The following PTPRT variants were observed in gnomAD, a reference collection of about 807,000 sequenced individuals.
PTPRT encodes receptor-type tyrosine-protein phosphatase T.
A neutral mutation model predicts 176.8 loss-of-function variants in PTPRT; 56 were observed. The ratio of observed to expected loss-of-function variants is 0.32; its 90% CI spans 0.26 to 0.40. The LOEUF is 0.40. Ranked by LOEUF, PTPRT falls within the 10% of genes least tolerant of loss-of-function variation. The pLI, the probability that PTPRT is intolerant of heterozygous loss-of-function variation, is 1.00. For missense variants in PTPRT, 1,540 were observed against 1,908.2 expected (o/e 0.81, Z 3.60); for synonymous variants, 783 against 739.0 (o/e 1.06, Z -0.96).
At chr20:42,545,979 T>G (rs2072666806) in intron 7 of PTPRT, among the ~76,000 whole-genome samples, 1 of 152,220 alleles carries the variant, frequency 6.6e-6, no homozygotes, top group African/African-American at 2.4e-5. Context: ...TATCTATATC[T>G]ATAAATAGTT....
At chr20:42,272,923 A>G (rs1000373804) in intron 13 of PTPRT, among the ~76,000 whole-genome samples, 6 of 152,178 alleles carry the variant, frequency 3.9e-5, no homozygotes, top group African/African-American at 1.4e-4. Context: ...TTCTTGACTT[A>G]CTTTGCAACC....
intron 7 of PTPRT, among the ~76,000 whole-genome samples, chr20:42,514,511 CT>C (rs2072024454): frequency 6.6e-6 from 1 of 152,060 alleles, no homozygotes; most frequent in African/African-American, 2.4e-5. Flanking sequence ...TTGTTGCTGG[CT>C]TTGTATGTTG....
chr20:43,023,332 T>C (rs1416317583), intron 1 of PTPRT, among the ~76,000 whole-genome samples: 1 of 152,234 alleles, frequency 6.6e-6, no homozygotes, highest in African/African-American at 2.4e-5. Context: ...ATTTGTCAAC[T>C]GCATGCTCAT....
intron 7 of PTPRT, among the ~76,000 whole-genome samples, chr20:42,640,433 T>A (rs569035440): frequency 9.2e-4 from 140 of 152,210 alleles, no homozygotes; most frequent in African/African-American, 3.3e-3. Context: ...TCTTGCTTTG[T>A]CGCCCAGGCT....
chr20:42,102,041 C>A (rs1182077462), intron 26 of PTPRT, 83 bp downstream of exon 26: 4 of 1,514,480 alleles, frequency 2.6e-6, no homozygotes, highest in Non-Finnish European at 2.7e-6. Flanking sequence ...GGGTCAGGGC[C>A]CTGAGGTCCA....
rs535054829 is a variant in PTPRT at position 42,099,447 on chromosome 20, G to A, written c.3715-895C>T. On this transcript the variant is annotated intron_variant, in intron 26 of 30. Coordinates refer to ENST00000373187, the MANE Select transcript of PTPRT (RefSeq NM_007050.6). ...TTACGTCCTTGGCACTGGTATTGTC[G>A]CTGGCACATGCTAGACAGTGCCACT... Among the ~76,000 whole-genome samples, 9 of 150,728 alleles carry A rather than the reference G, an allele frequency of 6.0e-5. No homozygotes were observed. The South Asian group carries it at 8.4e-4, about 14-fold the overall frequency.
At chr20:42,625,998 C>A (rs1287854502) in intron 7 of PTPRT, among the ~76,000 whole-genome samples, 1 of 151,640 alleles carries the variant, frequency 6.6e-6, no homozygotes, top group African/African-American at 2.4e-5. Context: ...GCAATCCATC[C>A]AAAACCAGAA....
intron 6 of PTPRT, among the ~76,000 whole-genome samples, chr20:42,722,603 C>G (rs1348080424): frequency 2.0e-5 from 3 of 152,190 alleles, no homozygotes; most frequent in African/African-American, 2.4e-5. Context: ...CTCTGGGTCA[C>G]TCTGTCTGCT....
chr20:42,482,204 A>G (rs2071400225), intron 7 of PTPRT, among the ~76,000 whole-genome samples: 1 of 152,220 alleles, frequency 6.6e-6, no homozygotes, highest in African/African-American at 2.4e-5. Context: ...TAAAGGAGGC[A>G]GCACATTTAA....
At chr20:42,609,028 C>T (rs1401922694) in intron 7 of PTPRT, among the ~76,000 whole-genome samples, 1 of 152,032 alleles carries the variant, frequency 6.6e-6, no homozygotes, top group East Asian at 1.9e-4. Context: ...TCCCAGACAC[C>T]CACCCCGTCT....
chr20:42,255,930 C>A (rs1225322576), intron 13 of PTPRT, among the ~76,000 whole-genome samples: 1 of 152,178 alleles, frequency 6.6e-6, no homozygotes, highest in Non-Finnish European at 1.5e-5. Flanking sequence ...TATCCAAGGG[C>A]ATATTATCCC....
intron 6 of PTPRT, among the ~76,000 whole-genome samples, chr20:42,694,036 TTTTC>T (rs1466996065): frequency 3.1e-5 from 3 of 97,918 alleles, no homozygotes; most frequent in African/African-American, 4.7e-5. Flanking sequence ...TTTTATTTTA[TTTTC>T]TTTTTTTTTT....
At chr20:42,675,039 T>C (rs948297151) in intron 7 of PTPRT, among the ~76,000 whole-genome samples, 2 of 152,194 alleles carry the variant, frequency 1.3e-5, no homozygotes, top group Non-Finnish European at 2.9e-5. Flanking sequence ...CACCTACGAA[T>C]ACATGCAACA....
At chr20:42,456,057 T>A (rs1016499105) in intron 8 of PTPRT, among the ~76,000 whole-genome samples, 3 of 152,108 alleles carry the variant, frequency 2.0e-5, no homozygotes, top group African/African-American at 4.8e-5. Context: ...ACATGGTATA[T>A]CTTTTATTTA....
At chr20:42,988,254 G>A (rs760754918) in intron 1 of PTPRT, among the ~76,000 whole-genome samples, 3 of 152,228 alleles carry the variant, frequency 2.0e-5, no homozygotes, top group Non-Finnish European at 2.9e-5. Flanking sequence ...CTCATCAGAG[G>A]GGCCTCACTT....
chr20:42,119,778 G>A (rs145366948), intron 20 of PTPRT, among the ~76,000 whole-genome samples, 157 bp downstream of exon 20: 6 of 152,304 alleles, frequency 3.9e-5, no homozygotes, highest in African/African-American at 1.2e-4. Flanking sequence ...TTCTTTGCTG[G>A]TGGAAACTCA....
chr20:42,283,292 A>C (rs565500783), intron 12 of PTPRT, among the ~76,000 whole-genome samples: 5 of 152,244 alleles, frequency 3.3e-5, no homozygotes, highest in African/African-American at 1.2e-4. Context: ...CAGTTGACTA[A>C]ATTATACCCC....
downstream of PTPRT, among the ~76,000 whole-genome samples, chr20:42,070,395 C>G (rs1982273292): frequency 6.6e-6 from 1 of 151,764 alleles, no homozygotes; most frequent in Admixed American, 6.6e-5. Flanking sequence ...ACCTGGACAG[C>G]CAACAGACAC....
intron 12 of PTPRT, among the ~76,000 whole-genome samples, chr20:42,304,567 C>T (rs770877166): frequency 2.6e-5 from 4 of 152,090 alleles, no homozygotes; most frequent in Non-Finnish European, 5.9e-5. Flanking sequence ...TGGTCAGTGA[C>T]AATCTATGCA....
Sources: gnomAD v4.1 joint callset for allele counts (sites outside exome capture counted in the v4.1 genomes callset) on GRCh38, gnomAD v4.1.1 for gene constraint, MANE v1.5 for transcripts, NCBI Gene and HGNC (gene_info 2026-07-23, HGNC 2026-07-21) for gene names.